Variants in PVT1 observed in about 807,000 individuals in gnomAD.
PVT1 encodes the protein CXCR4/PVT1 fusion.
At chr8:127,874,656 AGCAGTGGGTATTACCTTTG>A (rs1477793319) in intron 2 of PVT1, among the ~76,000 whole-genome samples, 1 of 152,188 alleles carries the variant, frequency 6.6e-6, no homozygotes, top group Non-Finnish European at 1.5e-5. Flanking sequence ...CGTGAATGTT[AGCAGTGGGTATTACCTTTG>A]GCCTGATTGT....
intron 4 of PVT1, among the ~76,000 whole-genome samples, chr8:128,038,789 G>A (rs1341384000): frequency 6.6e-6 from 1 of 152,190 alleles, no homozygotes; most frequent in African/African-American, 2.4e-5. Context: ...TTCAGTAAGA[G>A]GAGGCCTTAT....
At chr8:127,829,192 A>C (rs762381599) in intron 2 of PVT1, among the ~76,000 whole-genome samples, 48 of 152,208 alleles carry the variant, frequency 3.2e-4, no homozygotes, top group Middle Eastern at 3.4e-3. Flanking sequence ...CAGGAGAATC[A>C]CTTGAACCTG....
At chr8:128,081,267 C>T (rs1410035889) in intron 5 of PVT1, among the ~76,000 whole-genome samples, 1 of 152,178 alleles carries the variant, frequency 6.6e-6, no homozygotes, top group East Asian at 1.9e-4. Context: ...TTTTGACATA[C>T]CACAGATTGT....
chr8:127,989,929 G>A lies in PVT1; in HGVS notation n.912+638G>A, dbSNP rs114899300. ...GGGATGGTATTAGTGCCTGCCTCAT[G>A]AAGATGTTGTTTGTGTTGAGTGAGA... On this transcript the variant is annotated intron_variant and non_coding_transcript_variant, in intron 4 of 10. Coordinates refer to ENST00000651587, the Ensembl canonical transcript of PVT1. Among the ~76,000 whole-genome samples the A allele has an allele frequency of 6.9e-3, 1,045 of 152,290 alleles. 13 individuals are homozygous for A. Among genetic ancestry groups the A allele is most frequent in the African/African-American group, 0.023 (964 of 41,548 alleles).
intron 4 of PVT1, among the ~76,000 whole-genome samples, chr8:128,048,842 C>G (rs1203110017): frequency 6.6e-6 from 1 of 152,132 alleles, no homozygotes; most frequent in Non-Finnish European, 1.5e-5. Flanking sequence ...GTGGAGAGCC[C>G]CCTGTTGTTC....
At chr8:127,889,291 A>T (rs1033089759) in intron 2 of PVT1, among the ~76,000 whole-genome samples, 2 of 151,674 alleles carry the variant, frequency 1.3e-5, no homozygotes, top group African/African-American at 4.8e-5. Flanking sequence ...CACCACACCC[A>T]GCTAATTTTT....
chr8:128,003,856 C>T (rs1817215537), intron 4 of PVT1, among the ~76,000 whole-genome samples: 1 of 152,182 alleles, frequency 6.6e-6, no homozygotes, highest in Non-Finnish European at 1.5e-5. Flanking sequence ...GCTGCTATAA[C>T]AAAATATCAT....
intron 4 of PVT1, among the ~76,000 whole-genome samples, chr8:128,030,397 T>C (rs1266047977): frequency 2.0e-5 from 3 of 152,240 alleles, no homozygotes; most frequent in Non-Finnish European, 4.4e-5. Context: ...AACCAGCTTT[T>C]GTCATTTAAT....
chr8:128,085,200 T>A (rs752719992), intron 5 of PVT1, among the ~76,000 whole-genome samples: 2 of 151,970 alleles, frequency 1.3e-5, no homozygotes, highest in Non-Finnish European at 2.9e-5. Flanking sequence ...TCAGCTGAGC[T>A]CCCAGCATCA....
chr8:127,978,691 G>A (rs1333177658), intron 3 of PVT1, among the ~76,000 whole-genome samples: 1 of 152,070 alleles, frequency 6.6e-6, no homozygotes. Context: ...TCACCATATT[G>A]TCCAGGCTGG....
intron 3 of PVT1, chr8:127,947,989 A>C: frequency 2.2e-6 from 1 of 445,160 alleles, no homozygotes. Flanking sequence ...AAGTTTGGGA[A>C]CACATTGCCT....
chr8:127,822,537 AC>A (rs1229241587), intron 2 of PVT1, among the ~76,000 whole-genome samples: 1 of 152,178 alleles, frequency 6.6e-6, no homozygotes, highest in African/African-American at 2.4e-5. Flanking sequence ...AGATCACGCT[AC>A]TGCACTCCAG....
chr8:127,824,383 C>T (rs1041973085), intron 2 of PVT1, among the ~76,000 whole-genome samples: 1 of 152,164 alleles, frequency 6.6e-6, no homozygotes, highest in Non-Finnish European at 1.5e-5. Context: ...ATCTCAAACT[C>T]CTGGGCTCAA....
chr8:128,031,971 GTGA>G (rs1032352640), intron 4 of PVT1, among the ~76,000 whole-genome samples: 2 of 152,012 alleles, frequency 1.3e-5, no homozygotes, highest in East Asian at 3.9e-4. Context: ...CAACCATGTC[GTGA>G]TGATGATGAT....
At chr8:127,872,971 T>C (rs1054384064) in intron 2 of PVT1, among the ~76,000 whole-genome samples, 1 of 152,240 alleles carries the variant, frequency 6.6e-6, no homozygotes, top group African/African-American at 2.4e-5. Flanking sequence ...CCTGATCTGT[T>C]GCTGACTGTA....
At chr8:127,853,591 G>A (rs1170316015) in intron 2 of PVT1, among the ~76,000 whole-genome samples, 1 of 152,016 alleles carries the variant, frequency 6.6e-6, no homozygotes, top group African/African-American at 2.4e-5. Context: ...GACCAACCTG[G>A]GCAACATGGT....
rs983238378 is a variant in PVT1 at position 128,093,926 on chromosome 8, G to A, written n.1115-2592G>A. On this transcript the variant is annotated intron_variant and non_coding_transcript_variant, in intron 5 of 10. Transcript: ENST00000651587. ...GCTGGGATTACAGGCGTGAGCCACC[G>A]TGCCGTGCCAGCTCTGCAAGGAACC... Among the ~76,000 whole-genome samples, 9 of 152,334 alleles carry A rather than the reference G, an allele frequency of 5.9e-5. No homozygotes were observed. In the South Asian group the frequency reaches 1.9e-3, roughly 32 times the overall value.
At chr8:128,081,590 T>C (rs17467140) in intron 5 of PVT1, among the ~76,000 whole-genome samples, 18,549 of 152,272 alleles carry the variant, frequency 0.12, 1,671 homozygotes, top group Non-Finnish European at 0.19. Flanking sequence ...TGTTATTAAA[T>C]GTTATTGCTG....
At chr8:128,091,684 C>A (rs926734991) in intron 5 of PVT1, among the ~76,000 whole-genome samples, 7 of 152,156 alleles carry the variant, frequency 4.6e-5, no homozygotes, top group Non-Finnish European at 8.8e-5. Flanking sequence ...AACAAGTGCT[C>A]TACCTTTAAA....
Sources: gnomAD v4.1 joint callset for allele counts (sites outside exome capture counted in the v4.1 genomes callset) on GRCh38, gnomAD v4.1.1 for gene constraint, MANE v1.5 for transcripts, NCBI Gene and HGNC (gene_info 2026-07-23, HGNC 2026-07-21) for gene names.